The following AFAP1 variants were observed in gnomAD, a reference collection of about 807,000 sequenced individuals.
The protein encoded by AFAP1 is actin filament-associated protein 1.
AFAP1 carries 75 observed loss-of-function variants against 93.9 expected under a neutral mutation model. That is an observed-to-expected ratio of 0.80 (90% CI 0.66 to 0.97). The LOEUF (loss-of-function observed/expected upper bound fraction) is 0.97. Ranked by LOEUF, AFAP1 falls within the 50% of genes least tolerant of loss-of-function variation. The probability of loss-of-function intolerance (pLI) is 0.00; values close to 1 mark genes in which losing one functional copy is unlikely to be tolerated. For synonymous variants in AFAP1, 517 were observed against 430.7 expected (o/e 1.20, Z -2.48); for missense variants, 1,201 against 1,050.8 (o/e 1.14, Z -1.98).
intron 16 of AFAP1, among the ~76,000 whole-genome samples, chr4:7,770,883 A>C (rs1715336290): frequency 1.3e-5 from 2 of 152,200 alleles, no homozygotes; most frequent in Non-Finnish European, 2.9e-5. Context: ...GGAGGGGCAC[A>C]GGGCTCCATG....
intron 16 of AFAP1, chr4:7,772,536 C>A (rs991933515): frequency 6.0e-6 from 2 of 332,226 alleles, no homozygotes; most frequent in East Asian, 1.0e-4. Context: ...AGAAGAGACA[C>A]GAGGACTGGA....
chr4:7,822,330 C>T (rs1007856186), intron 6 of AFAP1, among the ~76,000 whole-genome samples: 8 of 152,092 alleles, frequency 5.3e-5, no homozygotes, highest in Admixed American at 2.6e-4. Context: ...GAAAACTAAA[C>T]GTTAAAACAA....
At chr4:7,823,161 A>G (rs1282233695) in intron 6 of AFAP1, among the ~76,000 whole-genome samples, 4 of 151,500 alleles carry the variant, frequency 2.6e-5, no homozygotes. Flanking sequence ...TGTGTCTCCT[A>G]CTAAGTTGTG....
intron 9 of AFAP1, 39 bp from the exon 10 acceptor site, chr4:7,800,692 A>C (rs1427523933): frequency 5.0e-6 from 8 of 1,609,278 alleles, no homozygotes; most frequent in Non-Finnish European, 6.8e-6. Flanking sequence ...CGCCTCGGAC[A>C]AGACCAGGCG....
At chr4:7,789,137 A>G (rs955688420) in intron 11 of AFAP1, 4 of 152,214 alleles carry the variant, frequency 2.6e-5, no homozygotes, top group African/African-American at 9.7e-5. Context: ...AGTGAGGACA[A>G]CTCTGCCCAG....
At chr4:7,866,636 G>A (rs1240260644) in intron 3 of AFAP1, among the ~76,000 whole-genome samples, 1 of 152,200 alleles carries the variant, frequency 6.6e-6, no homozygotes, top group East Asian at 1.9e-4. Context: ...AAATAAGCCA[G>A]AAGAGGAAGC....
Position 7,759,075 on chromosome 4 carries a change from C to G in AFAP1, c.*4690G>C, listed in dbSNP as rs1206863182. On this transcript the variant is annotated 3_prime_UTR_variant, in exon 18 of 18. Transcript: ENST00000420658. ...AATACAATAAGGAAATAATTACATT[C>G]TTAATATGAAAACATTTTACAACGT... 6.6e-6 allele frequency: 1 copy of G among 152,522 alleles called. No individual in the cohort carries two copies. The highest frequency in any genetic ancestry group is 6.5e-5 in the Admixed American group (1 of 15,278). The allele number at this position is 152,522 out of a possible 1,614,324, so 9.4% of individuals were successfully genotyped here. A position where few individuals can be genotyped will look rare whatever the true frequency, so the allele number is the denominator to read the frequency against.
At chr4:7,781,729 A>C in intron 12 of AFAP1, 102 bp from the exon 13 acceptor site, 1 of 1,441,348 alleles carries the variant, frequency 6.9e-7, no homozygotes, top group Non-Finnish European at 9.3e-7. Context: ...TTTAGCATAC[A>C]TTGGCACCCC....
chr4:7,852,003 G>C (rs1560199525), intron 4 of AFAP1, among the ~76,000 whole-genome samples: 1 of 152,190 alleles, frequency 6.6e-6, no homozygotes, highest in African/African-American at 2.4e-5. Flanking sequence ...CTGTGCTCAG[G>C]AAATTCACTG....
intron 1 of AFAP1, among the ~76,000 whole-genome samples, chr4:7,900,548 C>T (rs1004258219): frequency 2.0e-5 from 3 of 152,192 alleles, no homozygotes; most frequent in Non-Finnish European, 1.5e-5. Context: ...CATCTCTGCC[C>T]ATGAAGCAGG....
chr4:7,859,626 AAAGCTCCT>A (rs1170515889), intron 3 of AFAP1, among the ~76,000 whole-genome samples: 1 of 152,210 alleles, frequency 6.6e-6, no homozygotes, highest in African/African-American at 2.4e-5. Flanking sequence ...TACTTAAGTA[AAAGCTCCT>A]AAACTTTTAG....
intron 9 of AFAP1, 138 bp downstream of exon 9, chr4:7,809,476 C>T: frequency 9.9e-7 from 1 of 1,010,402 alleles, no homozygotes; most frequent in Non-Finnish European, 1.4e-6. Flanking sequence ...ACATTTCCCA[C>T]TATCTGAATG....
intron 6 of AFAP1, among the ~76,000 whole-genome samples, chr4:7,830,412 C>G (rs1441383583): frequency 1.3e-5 from 2 of 152,118 alleles, no homozygotes; most frequent in East Asian, 3.9e-4. Flanking sequence ...GAAGACCTCA[C>G]GGCACCTCGG....
In AFAP1 at chr4:7,781,547, G is replaced by A. The variant is rs1388659448; in HGVS notation, c.1611C>T (p.Tyr537=). ...EEVLYDNAGL[Y]DNLPPPHIFA... ...AGATGTGCGGAGGCGGCAAGTTATC[G>A]TACAGGCCTGCGTTATCATAAAGCA... Residue 537 remains tyrosine, a synonymous_variant, in exon 13 of 18, where the codon TAC becomes TAT. Transcript: ENST00000420658. 1.9e-5 allele frequency: 29 copies of A among 1,551,918 alleles called. No homozygotes were observed. The highest frequency in any genetic ancestry group is 2.3e-5 in the Non-Finnish European group (26 of 1,147,080).
intron 1 of AFAP1, among the ~76,000 whole-genome samples, chr4:7,885,833 G>C (rs770777834): frequency 1.3e-5 from 2 of 152,050 alleles, no homozygotes; most frequent in Non-Finnish European, 2.9e-5. Context: ...TCCTTTTCTC[G>C]AGCAAGTTGA....
At chr4:7,933,081 A>T (rs1721179808) in intron 1 of AFAP1, among the ~76,000 whole-genome samples, 1 of 151,734 alleles carries the variant, frequency 6.6e-6, no homozygotes, top group African/African-American at 2.4e-5. Context: ...GCAAAAAAAA[A>T]TTGGTATCTG....
chr4:7,909,627 T>C (rs990235066), intron 1 of AFAP1, among the ~76,000 whole-genome samples: 1 of 152,192 alleles, frequency 6.6e-6, no homozygotes, highest in Non-Finnish European at 1.5e-5. Flanking sequence ...ATAACATTTT[T>C]TTCATGGTTC....
chr4:7,898,808 A>AGTGTGTGT (rs56404898), intron 1 of AFAP1, among the ~76,000 whole-genome samples: 4,813 of 136,914 alleles, frequency 0.035, 144 homozygotes, highest in Admixed American at 0.092. Flanking sequence ...GGGCAGTAGA[A>AGTGTGTGT]GTGTGTGTGT....
chr4:7,782,916 CAG>C (rs770371853), intron 12 of AFAP1, among the ~76,000 whole-genome samples: 66 of 152,094 alleles, frequency 4.3e-4, no homozygotes, highest in Non-Finnish European at 7.9e-4. Context: ...TATATTTGTC[CAG>C]AGTTATTAAA....
Sources: allele counts gnomAD v4.1 joint callset (sites outside exome capture counted in the v4.1 genomes callset), GRCh38; gene constraint gnomAD v4.1.1; transcripts MANE v1.5; gene names NCBI Gene and HGNC (gene_info 2026-07-23, HGNC 2026-07-21).